CCNJL: variants seen among roughly 807,000 people sequenced by gnomAD.
The protein encoded by CCNJL is cyclin J like.
CCNJL carries 33 observed loss-of-function variants against 33.4 expected under a neutral mutation model. The observed-to-expected ratio is 0.99, with a 90% CI of 0.75 to 1.32. CCNJL has a LOEUF of 1.32. Among genes scored for constraint, CCNJL ranks in the 40% most tolerant of loss-of-function variants. The pLI, the probability that CCNJL is intolerant of heterozygous loss-of-function variation, is 0.00. For synonymous variants in CCNJL, 227 were observed against 220.9 expected (o/e 1.03, Z -0.24); for missense variants, 512 against 499.7 (o/e 1.02, Z -0.23).
chr5:160,259,478 T>C lies in CCNJL; in HGVS notation c.574A>G (p.Thr192Ala). 6.2e-7 allele frequency: 1 copy of C among 1,610,134 alleles called. No homozygotes were observed. Among genetic ancestry groups the C allele is most frequent in the South Asian group, 1.1e-5 (1 of 90,804 alleles). The stretch of plus-strand genomic sequence containing the variant: ...GGGTCCCAGCTGTCACCTTGCAGGG[T>C]GACCTCTAGGAAGTAATGGGCATAC... ...KEYAHYFLEV[T>A]LQDHIFYKFQ... Residue 192 changes from threonine to alanine, a missense_variant, in exon 4 of 6, where the codon ACC (threonine) becomes GCC (alanine). Transcript: ENST00000257536.
intron 5 of CCNJL, 117 bp from the exon 6 acceptor site, chr5:160,253,915 A>G: frequency 4.1e-6 from 3 of 726,824 alleles, no homozygotes; most frequent in Non-Finnish European, 6.4e-6. Flanking sequence ...TGTGTCCACC[A>G]GGCCTTACCT....
intron 2 of CCNJL, among the ~76,000 whole-genome samples, chr5:160,306,366 GT>G (rs1763098379): frequency 6.6e-6 from 1 of 151,934 alleles, no homozygotes. Flanking sequence ...AATGCATTAG[GT>G]GGCTGGTTGC....
At chr5:160,262,385 G>A (rs1270811972) in intron 3 of CCNJL, among the ~76,000 whole-genome samples, 1 of 152,244 alleles carries the variant, frequency 6.6e-6, no homozygotes, top group African/African-American at 2.4e-5. Flanking sequence ...TGCGGAATCT[G>A]ATTTCACCTG....
chr5:160,282,152 G>A (rs1762236469), intron 2 of CCNJL, among the ~76,000 whole-genome samples: 1 of 152,160 alleles, frequency 6.6e-6, no homozygotes, highest in African/African-American at 2.4e-5. Flanking sequence ...TCTTAACCCT[G>A]GGGCTTACTT....
At chr5:160,263,206 G>A (rs1278783198) in intron 3 of CCNJL, among the ~76,000 whole-genome samples, 1 of 152,014 alleles carries the variant, frequency 6.6e-6, no homozygotes, top group Non-Finnish European at 1.5e-5. Context: ...TAGTCAAGTT[G>A]CAGACGTGAC....
rs553988006 is a variant in CCNJL at position 160,312,345 on chromosome 5, G to C, written c.-50+19C>G. Reference sequence around the variant, plus strand: ...TGTCCTGCTCCCACATCCTGCCCTCGAGCCGGGGCGAAACTCACGCATCCT... The same window carrying C: ...TGTCCTGCTCCCACATCCTGCCCTCCAGCCGGGGCGAAACTCACGCATCCT... On this transcript the variant is annotated intron_variant, in intron 1 of 5. Transcript: ENST00000257536. 1.0e-5 allele frequency: 2 copies of C among 191,940 alleles called. No individual in the cohort carries two copies. Among genetic ancestry groups the C allele is most frequent in the Non-Finnish European group, 2.1e-5 (2 of 93,256 alleles). The allele number at this position is 191,940 out of a possible 1,614,324, so 11.9% of individuals were successfully genotyped here. A position where few individuals can be genotyped will look rare whatever the true frequency, so the allele number is the denominator to read the frequency against.
Position 160,286,329 on chromosome 5 carries a change from A to C in CCNJL, c.67-5591T>G, listed in dbSNP as rs182127332. On this transcript the variant is annotated intron_variant, in intron 2 of 5. Transcript: ENST00000257536. ...TTTGCCTTGAGCAGATTCTCAAAGAAAGACATTGGTGCATAAAAGAAAAAG... is the reference window on the plus strand; with the variant it reads ...TTTGCCTTGAGCAGATTCTCAAAGACAGACATTGGTGCATAAAAGAAAAAG... Among the ~76,000 whole-genome samples, 846 of 152,316 alleles carry C rather than the reference A, an allele frequency of 5.6e-3. 1 individual carries two copies. The highest frequency in any genetic ancestry group is 8.6e-3 in the Non-Finnish European group (584 of 68,024).
intron 3 of CCNJL, among the ~76,000 whole-genome samples, chr5:160,270,374 G>A (rs1193942584): frequency 6.6e-6 from 1 of 152,130 alleles, no homozygotes; most frequent in African/African-American, 2.4e-5. Flanking sequence ...AACCTGGGAG[G>A]CGGAGGTTGC....
In CCNJL at chr5:160,249,810, T is replaced by A. The variant is rs943158650; in HGVS notation, c.*3568A>T. 4.2e-5 allele frequency: 6 copies of A among 143,474 alleles called. No homozygotes were observed. Among genetic ancestry groups the A allele is most frequent in the East Asian group, 2.0e-4 (1 of 4,930 alleles). The allele number at this position is 143,474 out of a possible 1,614,324, so 8.9% of individuals were successfully genotyped here. A position where few individuals can be genotyped will look rare whatever the true frequency, so the allele number is the denominator to read the frequency against. ...TAAATAAATAAATAAATAAATAAAA[T>A]AAAAATTTAAAAAATCAAACTAAAC... On this transcript the variant is annotated 3_prime_UTR_variant, in exon 6 of 6. Coordinates refer to ENST00000257536, the MANE Select transcript of CCNJL (RefSeq NM_001308173.3).
intron 1 of CCNJL, among the ~76,000 whole-genome samples, chr5:160,334,424 A>G (rs925331746): frequency 3.3e-5 from 5 of 152,206 alleles, no homozygotes; most frequent in African/African-American, 1.2e-4. Flanking sequence ...CCTCACTTTA[A>G]ATCAATCACA....
upstream of CCNJL, among the ~76,000 whole-genome samples, chr5:160,314,923 TA>T (rs1177708530): frequency 2.0e-5 from 3 of 152,206 alleles, no homozygotes; most frequent in Non-Finnish European, 2.9e-5. Context: ...GTTGGGAATA[TA>T]AATTAAGACC....
chr5:160,268,238 T>C (rs10069034), intron 3 of CCNJL, among the ~76,000 whole-genome samples: 15,819 of 152,268 alleles, frequency 0.1, 1,132 homozygotes, highest in South Asian at 0.24. Flanking sequence ...GAGGGCACCA[T>C]GCTCTGGCAG....
intron 2 of CCNJL, among the ~76,000 whole-genome samples, chr5:160,281,200 G>A (rs1347947876): frequency 6.6e-6 from 1 of 152,076 alleles, no homozygotes; most frequent in Admixed American, 6.6e-5. Context: ...AATTTAAAAT[G>A]TATGCAAAAT....
At chr5:160,258,693 T>A in intron 4 of CCNJL, 1 of 784,974 alleles carries the variant, frequency 1.3e-6, no homozygotes, top group Non-Finnish European at 2.3e-6. Context: ...AATAAATATC[T>A]ATTGTAAAAA....
At chr5:160,312,020 C>G in intron 1 of CCNJL, 48 bp from the exon 2 acceptor site, 1 of 1,230,794 alleles carries the variant, frequency 8.1e-7, no homozygotes, top group Non-Finnish European at 1.2e-6. Flanking sequence ...CCCCGGGCTC[C>G]GACCCCCGGT....
chr5:160,252,996 A>T lies in CCNJL; in HGVS notation c.*382T>A, dbSNP rs924598990. ...CTCCTTTTTCAGCGGTGTAGCTGCC[A>T]TCAGCAAAGAATAGAAAAGTCTTTA... On this transcript the variant is annotated 3_prime_UTR_variant, in exon 6 of 6. Coordinates refer to ENST00000257536, the MANE Select transcript of CCNJL (RefSeq NM_001308173.3). 6.0e-6 allele frequency: 1 copy of T among 166,342 alleles called. No individual in the cohort carries two copies. 10.3% of individuals were successfully genotyped at this position (166,342 alleles called of 1,614,324 possible).
At chr5:160,262,482 G>A (rs981642578) in intron 3 of CCNJL, among the ~76,000 whole-genome samples, 6 of 152,164 alleles carry the variant, frequency 3.9e-5, no homozygotes, top group East Asian at 1.9e-4. Flanking sequence ...CTGGACCTAC[G>A]AGCACTAAAC....
intron 1 of CCNJL, among the ~76,000 whole-genome samples, chr5:160,335,476 A>T (rs1276548062): frequency 6.6e-6 from 1 of 152,160 alleles, no homozygotes; most frequent in African/African-American, 2.4e-5. Context: ...TCCTCCACCC[A>T]AAATGCTCTT....
At chr5:160,323,234 C>CAAA (rs536222136) in intron 1 of CCNJL, among the ~76,000 whole-genome samples, 2 of 99,074 alleles carry the variant, frequency 2.0e-5, no homozygotes, top group Non-Finnish European at 2.2e-5. Flanking sequence ...GACTCCAACT[C>CAAA]AAAAAAAAAA....
Sources: allele counts gnomAD v4.1 joint callset (sites outside exome capture counted in the v4.1 genomes callset), GRCh38; gene constraint gnomAD v4.1.1; transcripts MANE v1.5; gene names NCBI Gene and HGNC (gene_info 2026-07-23, HGNC 2026-07-21).